The following KDM3B variants were observed in gnomAD, a reference collection of about 807,000 sequenced individuals.
KDM3B encodes the protein lysine-specific demethylase 3B.
Under a neutral mutation model 170.0 loss-of-function variants are expected in KDM3B, and 10 were observed. The ratio of observed to expected loss-of-function variants is 0.06; its 90% CI spans 0.04 to 0.10. The LOEUF (loss-of-function observed/expected upper bound fraction) is 0.10. KDM3B is among the 10% of genes least tolerant of loss of function. KDM3B has a pLI of 1.00. For synonymous variants in KDM3B, 831 were observed against 834.8 expected (o/e 1.00, Z 0.08); for missense variants, 1,394 against 2,195.2 (o/e 0.64, Z 7.29).
At chr5:138,355,951 C>T (rs1166046006) in intron 1 of KDM3B, among the ~76,000 whole-genome samples, 2 of 151,972 alleles carry the variant, frequency 1.3e-5, no homozygotes, top group Non-Finnish European at 2.9e-5. Flanking sequence ...CAAAGAGTTC[C>T]CTCTTTTTTT....
chr5:138,421,088 C>G (rs1054707318), intron 15 of KDM3B, 126 bp downstream of exon 15: 6 of 1,137,962 alleles, frequency 5.3e-6, no homozygotes, highest in Non-Finnish European at 7.5e-6. Flanking sequence ...GACAAGGTCT[C>G]TCTTTAAAGT....
At chr5:138,420,354 G>A (rs1024553127) in intron 14 of KDM3B, among the ~76,000 whole-genome samples, 2 of 152,152 alleles carry the variant, frequency 1.3e-5, no homozygotes, top group Admixed American at 6.5e-5. Context: ...AATCTCTGGG[G>A]GTAAAGATCT....
chr5:138,414,523 G>A (rs2126983445), intron 11 of KDM3B, among the ~76,000 whole-genome samples: 1 of 152,300 alleles, frequency 6.6e-6, no homozygotes, highest in East Asian at 1.9e-4. Flanking sequence ...TGAGGGAAGA[G>A]AATTGACTAC....
intron 11 of KDM3B, among the ~76,000 whole-genome samples, chr5:138,410,468 A>T (rs1286249449): frequency 6.6e-6 from 1 of 152,166 alleles, no homozygotes; most frequent in East Asian, 1.9e-4. Context: ...TGGTACTGGA[A>T]CAATTGTATA....
At chr5:138,400,887 C>T (rs1035690654) in intron 11 of KDM3B, among the ~76,000 whole-genome samples, 5 of 142,692 alleles carry the variant, frequency 3.5e-5, no homozygotes, top group African/African-American at 1.1e-4. Context: ...CACTAGTCCA[C>T]TTTTTTCTCT....
At chr5:138,431,707 G>T in intron 23 of KDM3B, 148 bp downstream of exon 23, 1 of 725,182 alleles carries the variant, frequency 1.4e-6, no homozygotes, top group Non-Finnish European at 2.0e-6. Context: ...TGGGGATATG[G>T]AGTCCTTTTA....
In KDM3B at chr5:138,372,807, G is replaced by A; in HGVS notation, c.326G>A (p.Gly109Asp). The change falls in exon 2 of 24, where the codon GGC becomes GAC. Residue 109 changes from glycine to aspartate, a missense_variant. By Grantham distance (94) the Gly-to-Asp change is moderately conservative. This residue lies in a region of KDM3B where 166 missense variants were observed against 216.4 expected (regional missense o/e 0.77). Coordinates refer to ENST00000314358, the MANE Select transcript of KDM3B (RefSeq NM_016604.4). ...APREDPVLLQ[G>D]IRVSIAQWPA... ...CGTGAGGACCCAGTCCTTCTCCAGGGCATTCGAGTCTCCATTGCACAATGG... is the reference window on the plus strand; with the variant it reads ...CGTGAGGACCCAGTCCTTCTCCAGGACATTCGAGTCTCCATTGCACAATGG... 6.2e-7 allele frequency: 1 copy of A among 1,614,078 alleles called. No homozygotes were observed. The highest frequency in any genetic ancestry group is 1.1e-5 in the South Asian group (1 of 91,078).
intron 6 of KDM3B, among the ~76,000 whole-genome samples, chr5:138,385,728 TCAA>T (rs1762244254): frequency 6.6e-6 from 1 of 152,228 alleles, no homozygotes; most frequent in Admixed American, 6.5e-5. Flanking sequence ...TAAAAGAAAC[TCAA>T]CAAATTGTTA....
intron 1 of KDM3B, among the ~76,000 whole-genome samples, chr5:138,369,471 C>T (rs1244511148): frequency 2.0e-5 from 3 of 152,110 alleles, no homozygotes; most frequent in Admixed American, 6.6e-5. Flanking sequence ...ACTCCCCCAC[C>T]GTATACACAC....
At chr5:138,369,168 C>T (rs1199686434) in intron 1 of KDM3B, among the ~76,000 whole-genome samples, 1 of 152,152 alleles carries the variant, frequency 6.6e-6, no homozygotes, top group Non-Finnish European at 1.5e-5. Flanking sequence ...AGTACTGTGT[C>T]ACTCAGGGTC....
chr5:138,397,283 C>T (rs1762572189), intron 9 of KDM3B, among the ~76,000 whole-genome samples: 1 of 151,956 alleles, frequency 6.6e-6, no homozygotes, highest in African/African-American at 2.4e-5. Context: ...TGCAGTGAGC[C>T]AAGATCGCAC....
chr5:138,355,048 A>G (rs577989031), intron 1 of KDM3B, among the ~76,000 whole-genome samples: 2 of 152,166 alleles, frequency 1.3e-5, no homozygotes, highest in Admixed American at 6.5e-5. Context: ...GACCGTAGGC[A>G]TGTGGACCTT....
At chr5:138,394,946 G>A (rs2126955400) in intron 9 of KDM3B, among the ~76,000 whole-genome samples, 1 of 152,248 alleles carries the variant, frequency 6.6e-6, no homozygotes, top group Admixed American at 6.5e-5. Flanking sequence ...ATAATTTTCT[G>A]ATGAATTAGA....
At chr5:138,405,499 C>G (rs991009000) in intron 11 of KDM3B, among the ~76,000 whole-genome samples, 1 of 151,814 alleles carries the variant, frequency 6.6e-6, no homozygotes, top group East Asian at 1.9e-4. Context: ...GAGTAAGACT[C>G]TGTCTTACAA....
intron 20 of KDM3B, among the ~76,000 whole-genome samples, chr5:138,428,940 C>CTTTTTTTTT (rs397884825): frequency 6.9e-5 from 7 of 101,232 alleles, no homozygotes; most frequent in South Asian, 3.6e-4. Flanking sequence ...GGGATAATTT[C>CTTTTTTTTT]TTTTTTTTTT....
In KDM3B at chr5:138,419,095, A is replaced by T; in HGVS notation, c.3578A>T (p.Lys1193Ile). Residue 1193 changes from lysine to isoleucine, a missense_variant, in exon 14 of 24, where the codon AAA (lysine) becomes ATA (isoleucine). Lys to Ile is a moderately radical substitution (Grantham distance 102). Coordinates refer to ENST00000314358, the MANE Select transcript of KDM3B (RefSeq NM_016604.4). ...GACATCAGATCTGAAGAGCCTCTGA[A>T]AACAGACAGTTCGGCATCAAATAGC... ...STDIRSEEPLKTDSSASNSNS... is the reference protein window; with the variant it reads ...STDIRSEEPLITDSSASNSNS... 6.2e-7 allele frequency: 1 copy of T among 1,614,230 alleles called. No individual in the cohort carries two copies. The highest frequency in any genetic ancestry group is 8.5e-7 in the Non-Finnish European group (1 of 1,180,046).
chr5:138,359,010 T>C (rs1297774972), intron 1 of KDM3B, among the ~76,000 whole-genome samples: 1 of 148,606 alleles, frequency 6.7e-6, no homozygotes, highest in Non-Finnish European at 1.5e-5. Flanking sequence ...GTTCTCATTG[T>C]TCAATTCCCA....
intron 5 of KDM3B, among the ~76,000 whole-genome samples, chr5:138,381,246 T>C (rs187723857): frequency 6.2e-4 from 95 of 152,332 alleles, no homozygotes; most frequent in African/African-American, 2.2e-3. Context: ...AGGACAGTTT[T>C]AGAGATACAG....
chr5:138,423,719 G>A (rs1763329378), intron 15 of KDM3B, among the ~76,000 whole-genome samples: 1 of 152,144 alleles, frequency 6.6e-6, no homozygotes, highest in African/African-American at 2.4e-5. Flanking sequence ...CTCAAACTGA[G>A]TGACCTTTTT....
Sources: gnomAD v4.1 joint callset for allele counts (sites outside exome capture counted in the v4.1 genomes callset) on GRCh38, gnomAD v4.1.1 for gene constraint, gnomAD v4.1.1 regional missense constraint, MANE v1.5 for transcripts, NCBI Gene and HGNC (gene_info 2026-07-23, HGNC 2026-07-21) for gene names.